CDH4: variants seen among roughly 807,000 people sequenced by gnomAD.
The protein encoded by CDH4 is cadherin 4.
CDH4 carries 33 observed loss-of-function variants against 86.0 expected under a neutral mutation model. The ratio of observed to expected loss-of-function variants is 0.38; its 90% CI spans 0.29 to 0.51. CDH4 has a LOEUF of 0.51. Among genes scored for constraint, CDH4 ranks in the 20% least tolerant of loss-of-function variants. The probability of loss-of-function intolerance (pLI) is 0.86; values close to 1 mark genes in which losing one functional copy is unlikely to be tolerated. For missense variants in CDH4, 1,114 were observed against 1,307.4 expected, an observed-to-expected ratio of 0.85 and a Z score of 2.28; for synonymous variants, 555 against 549.4, an observed-to-expected ratio of 1.01 and a Z score of -0.14.
chr20:61,444,331 G>C (rs1469938407), intron 2 of CDH4, among the ~76,000 whole-genome samples: 1 of 139,316 alleles, frequency 7.2e-6, no homozygotes, highest in African/African-American at 2.7e-5. Flanking sequence ...CTGCACGTGT[G>C]TTTCTCTGTG....
chr20:61,705,660 C>G (rs1352671931), intron 2 of CDH4, among the ~76,000 whole-genome samples: 1 of 152,156 alleles, frequency 6.6e-6, no homozygotes. Flanking sequence ...AAAAGGGGGA[C>G]TCATTGCAGC....
At chr20:61,613,091 C>T (rs1232141761) in intron 2 of CDH4, among the ~76,000 whole-genome samples, 3 of 152,152 alleles carry the variant, frequency 2.0e-5, no homozygotes, top group Non-Finnish European at 2.9e-5. Context: ...CTGCCGAGAG[C>T]GGTGTTTGCC....
intron 2 of CDH4, among the ~76,000 whole-genome samples, chr20:61,717,047 A>G (rs1600906159): frequency 1.3e-5 from 2 of 152,224 alleles, no homozygotes; most frequent in Non-Finnish European, 2.9e-5. Flanking sequence ...ACTGGCTGCC[A>G]GTGCCAGCAG....
At chr20:61,533,494 A>G (rs2085971614) in intron 2 of CDH4, among the ~76,000 whole-genome samples, 1 of 152,268 alleles carries the variant, frequency 6.6e-6, no homozygotes, top group East Asian at 1.9e-4. Context: ...GTGGCCTGAG[A>G]GGGCAGGGCA....
chr20:61,806,242 G>A (rs1216998471), intron 4 of CDH4, among the ~76,000 whole-genome samples: 2 of 152,352 alleles, frequency 1.3e-5, no homozygotes, highest in East Asian at 3.9e-4. Context: ...TGGCCTGCCT[G>A]CCTGACTGGT....
intron 3 of CDH4, among the ~76,000 whole-genome samples, chr20:61,752,900 G>A (rs377114543): frequency 1.3e-5 from 2 of 152,204 alleles, no homozygotes; most frequent in Non-Finnish European, 2.9e-5. Flanking sequence ...CATGCTGGGG[G>A]ACACCAGAGG....
chr20:61,628,466 C>T (rs1039274974), intron 2 of CDH4, among the ~76,000 whole-genome samples: 4 of 152,192 alleles, frequency 2.6e-5, no homozygotes, highest in Non-Finnish European at 4.4e-5. Context: ...TCTGCTTGCC[C>T]TTCTAAGCCT....
At chr20:61,552,340 C>A (rs1360788829) in intron 2 of CDH4, among the ~76,000 whole-genome samples, 1 of 152,144 alleles carries the variant, frequency 6.6e-6, no homozygotes, top group Non-Finnish European at 1.5e-5. Context: ...AGAAGACATA[C>A]GAATGTCCAA....
At chr20:61,930,439 C>T (rs2055093152) in intron 13 of CDH4, among the ~76,000 whole-genome samples, 1 of 152,154 alleles carries the variant, frequency 6.6e-6, no homozygotes, top group Non-Finnish European at 1.5e-5. Flanking sequence ...CCCCAGAGGT[C>T]CCTCTTCCCA....
At chr20:61,880,588 G>A (rs936925979) in intron 7 of CDH4, among the ~76,000 whole-genome samples, 44 of 152,156 alleles carry the variant, frequency 2.9e-4, no homozygotes, top group African/African-American at 9.2e-4. Flanking sequence ...CTCGGCTCCC[G>A]AGTCCCATGG....
At chr20:61,683,179 G>A (rs532322354) in intron 2 of CDH4, among the ~76,000 whole-genome samples, 42 of 152,240 alleles carry the variant, frequency 2.8e-4, no homozygotes, top group East Asian at 1.5e-3. Flanking sequence ...TGCAGAGTAC[G>A]GAGAAGTGCA....
At chr20:61,927,838 C>A (rs1330961149) in intron 11 of CDH4, among the ~76,000 whole-genome samples, 1 of 152,056 alleles carries the variant, frequency 6.6e-6, no homozygotes, top group Admixed American at 6.6e-5. Context: ...GTGGGTGTGG[C>A]CGTGTGCTCT....
intron 8 of CDH4, among the ~76,000 whole-genome samples, chr20:61,901,535 C>T (rs955013386): frequency 6.6e-5 from 10 of 152,260 alleles, no homozygotes; most frequent in African/African-American, 1.4e-4. Flanking sequence ...AGACAGGAGC[C>T]GTCAGGGCCG....
chr20:61,454,858 T>G (rs150530874), intron 2 of CDH4, among the ~76,000 whole-genome samples: 1,839 of 152,256 alleles, frequency 0.012, 19 homozygotes, highest in Non-Finnish European at 0.017. Flanking sequence ...CGGGGGGCAG[T>G]GGTGCAGGAG....
chr20:61,321,886 G>A (rs1193806439), intron 2 of CDH4, among the ~76,000 whole-genome samples: 2 of 151,820 alleles, frequency 1.3e-5, no homozygotes. Context: ...CTTACAATAA[G>A]CATAACAATA....
At chr20:61,291,323 C>G (rs2084319490) in intron 2 of CDH4, among the ~76,000 whole-genome samples, 1 of 152,188 alleles carries the variant, frequency 6.6e-6, no homozygotes, top group Non-Finnish European at 1.5e-5. Flanking sequence ...CCGGCGGGTC[C>G]CATATCCGGT....
At position 61,285,524 on chromosome 20, in the gene CDH4, G is replaced by A. The variant is rs187845968; in HGVS notation, c.169+30587G>A. ...AAAACAGCTGAAAGGCCTGGCCTGTGCGGCCCCTCCGAGCCTGCCACGGAG... is the reference window on the plus strand; with the variant it reads ...AAAACAGCTGAAAGGCCTGGCCTGTACGGCCCCTCCGAGCCTGCCACGGAG... On this transcript the variant is annotated intron_variant, in intron 2 of 15. Transcript: ENST00000614565. 4.6e-5 allele frequency among the ~76,000 whole-genome samples: 7 copies of A among 152,362 alleles called. No individual in the cohort carries two copies. The East Asian group carries it at 1.2e-3, about 25-fold the overall frequency.
chr20:61,831,575 C>A (rs1981615919), intron 4 of CDH4, among the ~76,000 whole-genome samples: 1 of 152,240 alleles, frequency 6.6e-6, no homozygotes. Flanking sequence ...TATGCTTCAC[C>A]TGAACCATGC....
intron 3 of CDH4, among the ~76,000 whole-genome samples, chr20:61,751,652 T>A (rs1044564415): frequency 6.6e-6 from 1 of 152,174 alleles, no homozygotes; most frequent in Non-Finnish European, 1.5e-5. Flanking sequence ...CTAAGACTGG[T>A]TTTTACATTT....
Sources: allele counts gnomAD v4.1 joint callset (sites outside exome capture counted in the v4.1 genomes callset), GRCh38; gene constraint gnomAD v4.1.1; transcripts MANE v1.5; gene names NCBI Gene and HGNC (gene_info 2026-07-23, HGNC 2026-07-21).